Variants in RTBDN observed in about 807,000 individuals in gnomAD.
RTBDN encodes retbindin.
A neutral mutation model predicts 21.9 loss-of-function variants in RTBDN; 24 were observed. The ratio of observed to expected loss-of-function variants is 1.10; its 90% confidence interval spans 0.79 to 1.54. RTBDN has a LOEUF of 1.54. RTBDN is among the 40% of genes most tolerant of loss of function. The probability of loss-of-function intolerance (pLI) is 0.00; values close to 1 mark genes in which losing one functional copy is unlikely to be tolerated. For missense variants in RTBDN, 325 were observed against 315.2 expected (o/e 1.03, Z -0.23); for synonymous variants, 141 against 125.9 (o/e 1.12, Z -0.80).
intron 1 of RTBDN, among the ~76,000 whole-genome samples, chr19:12,833,184 T>G (rs1337845688): frequency 1.3e-5 from 2 of 152,006 alleles, no homozygotes; most frequent in Non-Finnish European, 1.5e-5. Flanking sequence ...GCATAATATG[T>G]ATGCACATGT....
chr19:12,825,948 A>T lies in RTBDN; in HGVS notation c.463-15T>A. 1 of 1,558,156 alleles carries T rather than the reference A, an allele frequency of 6.4e-7. No homozygotes were observed. Among genetic ancestry groups the T allele is most frequent in the East Asian group, 2.3e-5 (1 of 43,684 alleles). On this transcript the variant is annotated splice_polypyrimidine_tract_variant and intron_variant, in intron 5 of 5. Coordinates refer to ENST00000674343, the MANE Select transcript of RTBDN (RefSeq NM_001270441.2). ...TCTGCGAAGGTCTAGGAAAAAGTGG[A>T]GTTAAGGCCCTAGTGGGCGGAGTCC...
chr19:12,827,480 G>A (rs928635838), intron 4 of RTBDN, among the ~76,000 whole-genome samples: 1 of 151,554 alleles, frequency 6.6e-6, no homozygotes, highest in African/African-American at 2.4e-5. Flanking sequence ...CCACCACCAC[G>A]CCTGGCTCAT....
At chr19:12,833,849 A>AGCC (rs941102978) in intron 1 of RTBDN, 17 of 172,044 alleles carry the variant, frequency 9.9e-5, no homozygotes, top group South Asian at 2.3e-4. Flanking sequence ...CCCTCCCCTC[A>AGCC]GCCGCCGCCG....
Position 12,830,134 on chromosome 19 carries a change from G to A in RTBDN, c.-18-137C>T, listed in dbSNP as rs1969511063. 3.9e-6 allele frequency: 5 copies of A among 1,281,668 alleles called. No individual in the cohort carries two copies. Among genetic ancestry groups the A allele is most frequent in the South Asian group, 3.1e-5 (2 of 64,128 alleles). The allele number at this position is 1,281,668 out of a possible 1,614,324, so 79.4% of individuals were successfully genotyped here. On this transcript the variant is annotated intron_variant, in intron 1 of 5. Coordinates refer to ENST00000674343, the MANE Select transcript of RTBDN (RefSeq NM_001270441.2). The surrounding 1 kb of genome is among the most constrained non-coding windows in gnomAD (Gnocchi z 4.2). Reference sequence around the variant, plus strand: ...GGAGGAGGCTGGGGCAGTGGCCAAGGACGTTCAAATCCCAGGAGACCATCA... The same window carrying A: ...GGAGGAGGCTGGGGCAGTGGCCAAGAACGTTCAAATCCCAGGAGACCATCA...
chr19:12,830,838 A>AGTGTGT lies in RTBDN; in HGVS notation c.-18-847_-18-842dup, dbSNP rs5827165. On this transcript the variant is annotated intron_variant, in intron 1 of 5. Transcript: ENST00000674343. The surrounding 1 kb of genome is among the most constrained non-coding windows in gnomAD (Gnocchi z 4.2). Reference sequence around the variant, plus strand: ...AAGCTCTGTATCTATATATGTGGGGAGTGTGTGTGTGTGTGTGTGTGTGTA... The same window carrying AGTGTGT: ...AAGCTCTGTATCTATATATGTGGGGAGTGTGTGTGTGTGTGTGTGTGTGTGTGTGTA... Among the ~76,000 whole-genome samples, 5 of 146,820 alleles carry AGTGTGT rather than the reference A, an allele frequency of 3.4e-5. No individual in the cohort carries two copies. Among genetic ancestry groups the AGTGTGT allele is most frequent in the South Asian group, 2.1e-4 (1 of 4,686 alleles).
intron 2 of RTBDN, 192 bp from the exon 3 acceptor site, chr19:12,829,145 AACTT>A: frequency 1.1e-6 from 1 of 942,112 alleles, no homozygotes; most frequent in Non-Finnish European, 1.5e-6. Flanking sequence ...TATAATAATC[AACTT>A]ACTTGTCATG....
chr19:12,830,194 C>G lies in RTBDN; in HGVS notation c.-18-197G>C, dbSNP rs886718024. The stretch of plus-strand genomic sequence containing the variant: ...TCCAACCTAGGAGCCCCCCTCCCAT[C>G]AGAACCATGTCCTCTATGTCCCTTC... On this transcript the variant is annotated intron_variant, in intron 1 of 5. Transcript: ENST00000674343. The surrounding 1 kb of genome is among the most constrained non-coding windows in gnomAD (Gnocchi z 4.2). The G allele has an allele frequency of 3.0e-6, 4 of 1,353,802 alleles. No individual in the cohort carries two copies. In the East Asian group the frequency reaches 1.1e-4, roughly 36 times the overall value. The allele number at this position is 1,353,802 out of a possible 1,614,324, so 83.9% of individuals were successfully genotyped here.
intron 4 of RTBDN, among the ~76,000 whole-genome samples, chr19:12,828,169 G>A (rs1453064869): frequency 1.7e-4 from 26 of 151,268 alleles, no homozygotes; most frequent in African/African-American, 6.3e-4. Context: ...AGGCCGAGGC[G>A]GGCGGATCAC....
At position 12,825,503 on chromosome 19, in the gene RTBDN, TC is replaced by T; in HGVS notation, c.*202del. The T allele has an allele frequency of 3.7e-6, 3 of 809,706 alleles. No homozygotes were observed. In the South Asian group the frequency reaches 5.8e-5, roughly 16 times the overall value. The allele number at this position is 809,706 out of a possible 1,614,324, so 50.2% of individuals were successfully genotyped here. A position where few individuals can be genotyped will look rare whatever the true frequency, so the allele number is the denominator to read the frequency against. ...CACGTGCTCTAGCTGGCGACTTTAT[TC>T]AAAGGGGAGAGGGAAAAGTGAGAGA... On this transcript the variant is annotated 3_prime_UTR_variant, in exon 6 of 6. Coordinates refer to ENST00000674343, the MANE Select transcript of RTBDN (RefSeq NM_001270441.2).
chr19:12,828,153 T>G (rs1239278814), intron 4 of RTBDN, among the ~76,000 whole-genome samples: 1 of 149,068 alleles, frequency 6.7e-6, no homozygotes, highest in African/African-American at 2.5e-5. Context: ...ATCCCAGCAC[T>G]TTGGGAGGCC....
chr19:12,831,835 T>C (rs1969584792), intron 1 of RTBDN, among the ~76,000 whole-genome samples: 1 of 152,210 alleles, frequency 6.6e-6, no homozygotes, highest in Admixed American at 6.5e-5. Flanking sequence ...TGTATGTCTA[T>C]GTGTTGTGTT....
At chr19:12,829,709 G>A in intron 2 of RTBDN, 102 bp downstream of exon 2, 2 of 1,212,388 alleles carry the variant, frequency 1.6e-6, no homozygotes, top group East Asian at 4.8e-5. Context: ...CCACCTTGGT[G>A]GCCATGCTAG....
rs74740495 is a variant in RTBDN at position 12,828,704 on chromosome 19, C to G, written c.318G>C (p.Leu106Phe). 1 of 1,614,220 alleles carries G rather than the reference C, an allele frequency of 6.2e-7. No homozygotes were observed. Among genetic ancestry groups the G allele is most frequent in the South Asian group, 1.1e-5 (1 of 91,076 alleles). ...ALRSRFRLRL[L>F]GVRQAQPLCE... ...AGAGCGGCTGTGCCTGGCGTACCCC[C>G]AATAGCCGCAGGCGGAAGCGACTGC... The change falls in exon 4 of 6, where the codon TTG becomes TTC. Residue 106 changes from leucine to phenylalanine, a missense_variant. By Grantham distance (22) the Leu-to-Phe change is conservative. Coordinates refer to ENST00000674343, the MANE Select transcript of RTBDN (RefSeq NM_001270441.2).
intron 4 of RTBDN, among the ~76,000 whole-genome samples, chr19:12,827,176 C>T (rs1969342006): frequency 6.6e-6 from 1 of 152,068 alleles, no homozygotes; most frequent in African/African-American, 2.4e-5. Flanking sequence ...ATTTTTGAGT[C>T]AGGGTCTTGC....
upstream of RTBDN, chr19:12,834,618 T>A: frequency 1.3e-6 from 2 of 1,513,798 alleles, no homozygotes; most frequent in South Asian, 2.4e-5. This position sits in a 1 kb window ranked among gnomAD's most constrained non-coding sequence, Gnocchi z 4.7. Context: ...CCAGCCCAGC[T>A]TGTGGGTGGG....
Position 12,834,398 on chromosome 19 carries a change from G to T in RTBDN, c.-19+91C>A. The T allele has an allele frequency of 1.0e-6, 1 of 992,912 alleles. No individual in the cohort carries two copies. The highest frequency in any genetic ancestry group is 1.5e-6 in the Non-Finnish European group (1 of 662,658). The allele number at this position is 992,912 out of a possible 1,614,324, so 61.5% of individuals were successfully genotyped here. A position where few individuals can be genotyped will look rare whatever the true frequency, so the allele number is the denominator to read the frequency against. The stretch of plus-strand genomic sequence containing the variant: ...CCCCTCGGGGCCATCGGCGCCGCTG[G>T]AGGCGTAAACATGTTTGTGCGGCAA... On this transcript the variant is annotated intron_variant, in intron 1 of 5. Transcript: ENST00000674343. The surrounding 1 kb of genome is among the most constrained non-coding windows in gnomAD (Gnocchi z 4.7).
intron 2 of RTBDN, 50 bp from the exon 3 acceptor site, chr19:12,829,003 T>C: frequency 6.2e-7 from 1 of 1,608,916 alleles, no homozygotes; most frequent in Non-Finnish European, 8.5e-7. Flanking sequence ...TCAGGTAAGG[T>C]TTGGGAACTG....
At chr19:12,834,698 G>C, upstream of RTBDN, 1 of 1,556,038 alleles carries the variant, frequency 6.4e-7, no homozygotes, top group Non-Finnish European at 8.9e-7. This position sits in a 1 kb window ranked among gnomAD's most constrained non-coding sequence, Gnocchi z 4.7. Context: ...CGCAGGAGCC[G>C]TGCGTCCACT....
Position 12,826,883 on chromosome 19 carries a change from G to C in RTBDN, c.366-12C>G, listed in dbSNP as rs1203350283. The C allele has an allele frequency of 6.5e-7, 1 of 1,536,112 alleles. No individual in the cohort carries two copies. Among genetic ancestry groups the C allele is most frequent in the Non-Finnish European group, 8.8e-7 (1 of 1,134,436 alleles). ...CGCAGTTGGCGAACCTGGAGATGGCGAGTGGAGAGGTGGGTAAAGCCTTTG... is the reference window on the plus strand; with the variant it reads ...CGCAGTTGGCGAACCTGGAGATGGCCAGTGGAGAGGTGGGTAAAGCCTTTG... On this transcript the variant is annotated splice_polypyrimidine_tract_variant and intron_variant, in intron 4 of 5. Coordinates refer to ENST00000674343, the MANE Select transcript of RTBDN (RefSeq NM_001270441.2).
Sources: allele counts gnomAD v4.1 joint callset (sites outside exome capture counted in the v4.1 genomes callset), GRCh38; gene constraint gnomAD v4.1.1; non-coding constraint Gnocchi (gnomAD v3.1); transcripts MANE v1.5; gene names NCBI Gene and HGNC (gene_info 2026-07-23, HGNC 2026-07-21).